SLC44A5: variants seen among roughly 807,000 people sequenced by gnomAD.
SLC44A5 encodes solute carrier family 44 member 5.
In SLC44A5, 57 loss-of-function variants were observed where a neutral mutation model predicts 101.8. The observed-to-expected ratio is 0.56, with a 90% CI of 0.45 to 0.70. SLC44A5 has a LOEUF of 0.70. Ranked by LOEUF, SLC44A5 falls within the 30% of genes least tolerant of loss-of-function variation. SLC44A5 has a pLI of 0.00. For synonymous variants in SLC44A5, 281 were observed against 290.9 expected (o/e 0.97, Z 0.35); for missense variants, 737 against 853.1 (o/e 0.86, Z 1.70).
chr1:75,432,295 C>G (rs935898726), intron 2 of SLC44A5, among the ~76,000 whole-genome samples: 1 of 152,102 alleles, frequency 6.6e-6, no homozygotes, highest in Non-Finnish European at 1.5e-5. Context: ...CTTCTTTTAT[C>G]CCACTATGAG....
chr1:75,579,879 A>AT (rs1009013086), intron 1 of SLC44A5, among the ~76,000 whole-genome samples: 2 of 149,512 alleles, frequency 1.3e-5, no homozygotes, highest in African/African-American at 4.9e-5. Context: ...CAACCAGGAG[A>AT]TTTTTTAAAA....
the SLC44A5 span, among the ~76,000 whole-genome samples, chr1:75,693,640 G>C: frequency 5.3e-5 from 8 of 152,202 alleles, no homozygotes; most frequent in East Asian, 1.5e-3. Context: ...AAAATGGTAC[G>C]GAAGAGTTCT....
chr1:75,707,261 T>C, the SLC44A5 span, among the ~76,000 whole-genome samples: 2 of 152,244 alleles, frequency 1.3e-5, no homozygotes, highest in Non-Finnish European at 2.9e-5. Flanking sequence ...GCTAGGTGAC[T>C]GCCTGGCTCT....
intron 3 of SLC44A5, among the ~76,000 whole-genome samples, chr1:75,376,119 C>T (rs1225184482): frequency 6.6e-6 from 1 of 152,226 alleles, no homozygotes; most frequent in African/African-American, 2.4e-5. Context: ...AAATACTGCG[C>T]TTTTCCGACC....
At chr1:75,699,143 A>T in the SLC44A5 span, among the ~76,000 whole-genome samples, 7 of 152,130 alleles carry the variant, frequency 4.6e-5, no homozygotes, top group African/African-American at 1.7e-4. Flanking sequence ...GATTCAGGAA[A>T]TACAGAGAAC....
Position 75,335,654 on chromosome 1 carries a change from G to T in SLC44A5, c.101+3928C>A, listed in dbSNP as rs561110148. ...GTACTTCTCTTTAGATATGTTAATAGATTGAATAAATGTATCATCAAGCCT... is the reference window on the plus strand; with the variant it reads ...GTACTTCTCTTTAGATATGTTAATATATTGAATAAATGTATCATCAAGCCT... On this transcript the variant is annotated intron_variant, in intron 4 of 23. Transcript: ENST00000370859. Among the ~76,000 whole-genome samples, 23 of 152,272 alleles carry T rather than the reference G, an allele frequency of 1.5e-4. No homozygotes were observed. In the Middle Eastern group the frequency reaches 0.01, roughly 68 times the overall value.
At chr1:75,506,454 A>G (rs1669263646) in intron 2 of SLC44A5, among the ~76,000 whole-genome samples, 1 of 152,070 alleles carries the variant, frequency 6.6e-6, no homozygotes, top group Admixed American at 6.6e-5. Flanking sequence ...TGCTATTTTA[A>G]TTATATTAAT....
rs374350417 is a variant in SLC44A5 at position 75,290,822 on chromosome 1, A to G, written c.175+9790T>C. 3.5e-4 allele frequency among the ~76,000 whole-genome samples: 54 copies of G among 152,374 alleles called. 1 individual carries two copies. Among genetic ancestry groups the G allele is most frequent in the South Asian group, 3.5e-3 (17 of 4,830 alleles). ...TATTAAAGAGTGGGACTTCAGATAT[A>G]TACAGCAAGACATTCAGCACTTCAT... On this transcript the variant is annotated intron_variant, in intron 5 of 23. Transcript: ENST00000370859.
chr1:75,253,614 T>C (rs932319762), intron 6 of SLC44A5, among the ~76,000 whole-genome samples: 6 of 152,192 alleles, frequency 3.9e-5, no homozygotes, highest in African/African-American at 1.2e-4. Context: ...GTGCATGTGA[T>C]TCAAATTTGT....
intron 2 of SLC44A5, among the ~76,000 whole-genome samples, chr1:75,488,233 A>C (rs1668255091): frequency 6.6e-6 from 1 of 152,170 alleles, no homozygotes; most frequent in African/African-American, 2.4e-5. Flanking sequence ...GATCATCCCA[A>C]AACCATTCCC....
At chr1:75,567,195 G>A (rs1475094176) in intron 1 of SLC44A5, among the ~76,000 whole-genome samples, 1 of 150,574 alleles carries the variant, frequency 6.6e-6, no homozygotes, top group Admixed American at 6.6e-5. Context: ...GTTTCCTCAG[G>A]GATAACTTTT....
chr1:75,280,518 C>CT (rs1293041109), intron 5 of SLC44A5, among the ~76,000 whole-genome samples: 12 of 120,944 alleles, frequency 9.9e-5, no homozygotes, highest in African/African-American at 4.0e-4. Context: ...AAAAAAACAC[C>CT]TTTTCTTTAT....
At chr1:75,707,695 T>C in the SLC44A5 span, among the ~76,000 whole-genome samples, 3 of 152,204 alleles carry the variant, frequency 2.0e-5, no homozygotes, top group African/African-American at 4.8e-5. Flanking sequence ...CCCTATCCTC[T>C]TGTCATTGTT....
chr1:75,521,507 T>C (rs1670123560), intron 2 of SLC44A5: 1 of 152,174 alleles, frequency 6.6e-6, no homozygotes, highest in Non-Finnish European at 1.5e-5. Context: ...GTGAAAACAG[T>C]TTAAAAACCA....
At chr1:75,317,225 G>C (rs918351064) in intron 4 of SLC44A5, among the ~76,000 whole-genome samples, 1 of 152,184 alleles carries the variant, frequency 6.6e-6, no homozygotes, top group Middle Eastern at 3.2e-3. Flanking sequence ...AGAGGTGCAA[G>C]ATCACAGCAG....
intron 3 of SLC44A5, among the ~76,000 whole-genome samples, chr1:75,372,805 T>C (rs932969104): frequency 6.6e-6 from 1 of 152,172 alleles, no homozygotes; most frequent in African/African-American, 2.4e-5. Context: ...ACCACAGAAA[T>C]ATTTAATGAA....
At chr1:75,672,126 T>A in the SLC44A5 span, among the ~76,000 whole-genome samples, 1 of 152,118 alleles carries the variant, frequency 6.6e-6, no homozygotes, top group Non-Finnish European at 1.5e-5. Flanking sequence ...CTTTGTTTGT[T>A]TGCCATGCAA....
intron 1 of SLC44A5, among the ~76,000 whole-genome samples, chr1:75,608,091 T>C (rs1358535910): frequency 1.3e-5 from 2 of 152,026 alleles, no homozygotes; most frequent in Non-Finnish European, 2.9e-5. Flanking sequence ...AGTGAGATCA[T>C]ACAGTATTTT....
intron 6 of SLC44A5, among the ~76,000 whole-genome samples, chr1:75,258,396 T>TACAAAGTCGGGA (rs1553150415): frequency 6.6e-6 from 1 of 151,150 alleles, no homozygotes; most frequent in Admixed American, 6.6e-5. Flanking sequence ...TAGGTGGTTT[T>TACAAAGTCGGGA]ACAAAGTCGT....
Sources: allele counts gnomAD v4.1 joint callset (sites outside exome capture counted in the v4.1 genomes callset), GRCh38; gene constraint gnomAD v4.1.1; transcripts MANE v1.5; gene names NCBI Gene and HGNC (gene_info 2026-07-23, HGNC 2026-07-21).